Variants in SYNJ2 observed in about 807,000 individuals in gnomAD.
SYNJ2 encodes the protein polyphosphatidylinositol phosphatase SYNJ2.
SYNJ2 carries 116 observed loss-of-function variants against 141.3 expected under a neutral mutation model. That is an observed-to-expected ratio of 0.82 (90% confidence interval 0.71 to 0.96). SYNJ2 has a LOEUF of 0.96. SYNJ2 is among the 40% of genes least tolerant of loss of function. SYNJ2 has a pLI of 0.00. For missense variants in SYNJ2, 1,873 were observed against 1,934.8 expected, an observed-to-expected ratio of 0.97 and a Z score of 0.60; for synonymous variants, 745 against 777.7, an observed-to-expected ratio of 0.96 and a Z score of 0.70.
intron 9 of SYNJ2, among the ~76,000 whole-genome samples, chr6:158,064,338 G>A (rs575994312): frequency 1.3e-5 from 2 of 151,082 alleles, no homozygotes; most frequent in Non-Finnish European, 3.0e-5. Flanking sequence ...TTCAGCCTCT[G>A]GCATTGGGTG....
intron 6 of SYNJ2, among the ~76,000 whole-genome samples, chr6:158,058,690 G>A (rs941974219): frequency 2.6e-5 from 4 of 152,220 alleles, no homozygotes; most frequent in Admixed American, 1.3e-4. Context: ...ACTTTGGGAC[G>A]CTGAGGTGGG....
At chr6:157,986,301 T>C (rs1415061239) in intron 1 of SYNJ2, among the ~76,000 whole-genome samples, 1 of 152,234 alleles carries the variant, frequency 6.6e-6, no homozygotes, top group Non-Finnish European at 1.5e-5. Context: ...GCGTAGTGTT[T>C]ACAAAATGCA....
chr6:158,081,564 A>C, intron 20 of SYNJ2, 54 bp downstream of exon 20: 1 of 952,630 alleles, frequency 1.0e-6, no homozygotes, highest in Non-Finnish European at 1.6e-6. Flanking sequence ...CCCTCTTTTT[A>C]TGTGGGCATG....
chr6:157,998,053 C>A (rs1214555290), intron 1 of SYNJ2, among the ~76,000 whole-genome samples: 1 of 152,252 alleles, frequency 6.6e-6, no homozygotes, highest in Non-Finnish European at 1.5e-5. Context: ...GATATTCACG[C>A]AGGCATTCTT....
Position 158,043,134 on chromosome 6 carries a change from C to T in SYNJ2, c.712-182C>T, listed in dbSNP as rs553653737. Among the ~76,000 whole-genome samples, 3 of 152,290 alleles carry T rather than the reference C, an allele frequency of 2.0e-5. No individual in the cohort carries two copies. The South Asian group carries it at 6.2e-4, about 32-fold the overall frequency. ...GGCTGGTCGACAGCCAGCATGCCCG[C>T]CCAGTACCTGGCGAGAGGTCAGGGC... On this transcript the variant is annotated intron_variant, in intron 4 of 26. Coordinates refer to ENST00000355585, the MANE Select transcript of SYNJ2 (RefSeq NM_003898.4). This position sits in a 1 kb window ranked among gnomAD's most constrained non-coding sequence, Gnocchi z 4.0.
intron 1 of SYNJ2, among the ~76,000 whole-genome samples, chr6:158,013,217 C>G (rs1778330316): frequency 6.6e-6 from 1 of 152,096 alleles, no homozygotes; most frequent in African/African-American, 2.4e-5. Context: ...GCCGTCCCTA[C>G]TAAAACTACA....
rs148292624 is a variant in SYNJ2, at chr6:158,056,342, G to T, written c.857+1314G>T. 7.4e-3 allele frequency among the ~76,000 whole-genome samples: 1,123 copies of T among 152,242 alleles called. 8 individuals carry two copies. The highest frequency in any genetic ancestry group is 0.013 in the Non-Finnish European group (877 of 68,010). On this transcript the variant is annotated intron_variant, in intron 6 of 26. Transcript: ENST00000355585. ...ACCCCAGAGGCTGCCTTGCCCCTTG[G>T]AAAGCATTCCTAAATCTAGGGGTAC... is the stretch of plus-strand genomic sequence containing the variant.
intron 25 of SYNJ2, among the ~76,000 whole-genome samples, chr6:158,092,626 G>A (rs1447474793): frequency 2.6e-5 from 4 of 152,114 alleles, no homozygotes; most frequent in Non-Finnish European, 5.9e-5. Context: ...TTGGCTGGGC[G>A]TGGCAGTGCT....
chr6:158,086,069 AGAG>A (rs1490487771), intron 22 of SYNJ2, among the ~76,000 whole-genome samples: 44 of 152,176 alleles, frequency 2.9e-4, no homozygotes, highest in African/African-American at 1.1e-3. Context: ...GTGGGCATTG[AGAG>A]GGTCTTCCCT....
In SYNJ2 at chr6:158,066,562, C is replaced by T. The variant is rs902116816; in HGVS notation, c.1644C>T (p.Asn548=). 8.1e-6 allele frequency: 13 copies of T among 1,614,026 alleles called. No homozygotes were observed. The highest frequency in any genetic ancestry group is 2.7e-5 in the African/African-American group (2 of 74,918). ...NVNGGKQFRS[N]VLRTAELTDW... is the part of the protein sequence containing the mutation. ...ACGGAGGAAAGCAGTTCCGGAGCAA[C>T]GTGCTCAGGACGGCGGAGCTGACAG... is the stretch of plus-strand genomic sequence containing the variant. Residue 548 remains asparagine, a synonymous_variant, in exon 12 of 27, where the codon AAC becomes AAT. Transcript: ENST00000355585.
chr6:157,995,813 A>G (rs1777613055), intron 1 of SYNJ2, among the ~76,000 whole-genome samples: 2 of 152,212 alleles, frequency 1.3e-5, no homozygotes, highest in African/African-American at 4.8e-5. Context: ...AAAAATCAAT[A>G]GCCTTCCCAT....
At position 158,097,068 on chromosome 6, in the gene SYNJ2, T is replaced by C. The variant is rs1783832949; in HGVS notation, c.*704T>C. The C allele has an allele frequency of 6.5e-6, 1 of 152,686 alleles. No homozygotes were observed. Among genetic ancestry groups the C allele is most frequent in the Non-Finnish European group, 1.5e-5 (1 of 68,060 alleles). The allele number at this position is 152,686 out of a possible 1,614,324, so 9.5% of individuals were successfully genotyped here. On this transcript the variant is annotated 3_prime_UTR_variant, in exon 27 of 27. Transcript: ENST00000355585. Reference sequence around the variant, plus strand: ...GCCATGTCTTAGACATTGCATGCCCTATCAATTACTATAATCCTGAGCCAT... The same window carrying C: ...GCCATGTCTTAGACATTGCATGCCCCATCAATTACTATAATCCTGAGCCAT...
chr6:158,033,387 C>T (rs919915009), intron 3 of SYNJ2, 68 bp from the exon 4 acceptor site: 13 of 1,537,354 alleles, frequency 8.5e-6, no homozygotes, highest in Middle Eastern at 1.7e-4. Flanking sequence ...CAGCCACACT[C>T]GCTGTCCAGG....
chr6:158,049,848 G>A (rs1471861927), intron 5 of SYNJ2, among the ~76,000 whole-genome samples: 1 of 151,966 alleles, frequency 6.6e-6, no homozygotes. Flanking sequence ...CTGCTGGTAT[G>A]CACGCAGCTC....
Position 157,982,355 on chromosome 6 carries a change from G to A in SYNJ2, c.127+267G>A, listed in dbSNP as rs776393322. On this transcript the variant is annotated intron_variant, in intron 1 of 26. Transcript: ENST00000355585. The surrounding 1 kb of genome is among the most constrained non-coding windows in gnomAD (Gnocchi z 4.0). The stretch of plus-strand genomic sequence containing the variant: ...GCGCCGCCAGAGGATATGGTTGCTG[G>A]ATAGCCGGCTGGGGCGCTTTGCGTA... Among the ~76,000 whole-genome samples, 12 of 152,172 alleles carry A rather than the reference G, an allele frequency of 7.9e-5. No homozygotes were observed. Among genetic ancestry groups the A allele is most frequent in the Non-Finnish European group, 1.5e-4 (10 of 68,026 alleles).
rs374968914 is a variant in SYNJ2, at chr6:158,003,743, C to T, written c.128-13461C>T. 1.2e-3 allele frequency among the ~76,000 whole-genome samples: 186 copies of T among 152,324 alleles called. 2 individuals are homozygous for T. The highest frequency in any genetic ancestry group is 2.3e-3 in the South Asian group (11 of 4,822). On this transcript the variant is annotated intron_variant, in intron 1 of 26. Coordinates refer to ENST00000355585, the MANE Select transcript of SYNJ2 (RefSeq NM_003898.4). ...TGGCTCTGGGTGACCAGAGCTCTCA[C>T]GCAGAGCCGTGCACGGCTGCTCCCA...
intron 7 of SYNJ2, 31 bp downstream of exon 7, chr6:158,059,384 G>C: frequency 6.5e-7 from 1 of 1,547,466 alleles, no homozygotes; most frequent in Non-Finnish European, 8.7e-7. Flanking sequence ...CCACAGCTGG[G>C]CTGGGCGGCA....
At chr6:157,990,319 C>T (rs1289605565) in intron 1 of SYNJ2, among the ~76,000 whole-genome samples, 1 of 151,628 alleles carries the variant, frequency 6.6e-6, no homozygotes, top group Non-Finnish European at 1.5e-5. Context: ...TTCCTGCCCA[C>T]TCTCTCATGC....
chr6:158,055,511 G>A (rs1022223814), intron 6 of SYNJ2, among the ~76,000 whole-genome samples: 4 of 150,936 alleles, frequency 2.7e-5, no homozygotes, highest in Non-Finnish European at 4.4e-5. Flanking sequence ...TTATGTGTGT[G>A]TGTGTGTGTG....
Sources: gnomAD v4.1 joint callset for allele counts (sites outside exome capture counted in the v4.1 genomes callset) on GRCh38, gnomAD v4.1.1 for gene constraint, Gnocchi (gnomAD v3.1) non-coding constraint, MANE v1.5 for transcripts, NCBI Gene and HGNC (gene_info 2026-07-23, HGNC 2026-07-21) for gene names.